CCNH: variants seen among roughly 807,000 people sequenced by gnomAD.
CCNH encodes cyclin H.
Under a neutral mutation model 41.9 loss-of-function variants are expected in CCNH, and 31 were observed. That is an observed-to-expected ratio of 0.74 (90% CI 0.56 to 1.00). The LOEUF (loss-of-function observed/expected upper bound fraction) is 1.00. Among genes scored for constraint, CCNH ranks in the 50% least tolerant of loss-of-function variants. The pLI, the probability that CCNH is intolerant of heterozygous loss-of-function variation, is 0.00. For missense variants in CCNH, 362 were observed against 388.4 expected (o/e 0.93, Z 0.57); for synonymous variants, 138 against 136.1 (o/e 1.01, Z -0.10).
intron 2 of CCNH, among the ~76,000 whole-genome samples, chr5:87,409,629 C>CGTGT (rs71610500): frequency 0.15 from 22,377 of 145,924 alleles, 1,877 homozygotes; most frequent in Middle Eastern, 0.25. Context: ...TTTAAAAATA[C>CGTGT]GTGTGTGTGT....
At chr5:87,370,899 G>A (rs528900703) in intron 9 of CCNH, among the ~76,000 whole-genome samples, 4 of 152,000 alleles carry the variant, frequency 2.6e-5, no homozygotes, top group Non-Finnish European at 4.4e-5. Flanking sequence ...ACAACTGAAC[G>A]TCATATTTCA....
chr5:87,317,018 GATTACAGGCGTGTGCCACT>G (rs1196950525), downstream of CCNH, among the ~76,000 whole-genome samples: 1 of 152,092 alleles, frequency 6.6e-6, no homozygotes, highest in Non-Finnish European at 1.5e-5. Context: ...GAGTAGCTGG[GATTACAGGCGTGTGCCACT>G]ACACCCAGCT....
At chr5:87,329,285 A>G (rs1472851521) in intron 9 of CCNH, among the ~76,000 whole-genome samples, 1 of 151,586 alleles carries the variant, frequency 6.6e-6, no homozygotes. Flanking sequence ...TCTCTCCAAA[A>G]AAAAAAAAAA....
intron 7 of CCNH, among the ~76,000 whole-genome samples, chr5:87,397,933 T>C (rs1000615773): frequency 5.3e-5 from 8 of 152,100 alleles, no homozygotes; most frequent in African/African-American, 1.9e-4. Flanking sequence ...ATAGGTGTGC[T>C]ACATTCCAAG....
chr5:87,380,517 G>T, upstream of CCNH: 1 of 1,612,340 alleles, frequency 6.2e-7, no homozygotes, highest in Non-Finnish European at 8.5e-7. Context: ...AGGACATTGA[G>T]ATATATTTAT....
chr5:87,409,402 CAAATGTT>C (rs755005185), intron 2 of CCNH, 39 bp from the exon 3 acceptor site: 22 of 1,164,616 alleles, frequency 1.9e-5, no homozygotes, highest in Non-Finnish European at 2.7e-5. Flanking sequence ...GATCTAGTCA[CAAATGTT>C]AAATGTTAAA....
intron 1 of CCNH, among the ~76,000 whole-genome samples, chr5:87,412,148 C>T (rs1044169709): frequency 1.3e-5 from 2 of 152,162 alleles, no homozygotes; most frequent in Non-Finnish European, 2.9e-5. Flanking sequence ...GGTTCCTCAT[C>T]CTTTCAGTGG....
At chr5:87,348,103 T>G (rs1487586031) in intron 9 of CCNH, among the ~76,000 whole-genome samples, 4 of 152,064 alleles carry the variant, frequency 2.6e-5, no homozygotes, top group Admixed American at 2.6e-4. Context: ...TTCTTGTCAG[T>G]AAGATTTGTT....
Position 87,385,466 on chromosome 5 carries a change from A to G in CCNH, c.*90+7304T>C, listed in dbSNP as rs1244036829. The G allele has an allele frequency of 3.4e-6, 4 of 1,162,092 alleles. No individual in the cohort carries two copies. The African/African-American group carries it at 6.1e-5, about 18-fold the overall frequency. 72.0% of individuals were successfully genotyped at this position (1,162,092 alleles called of 1,614,324 possible). On this transcript the variant is annotated intron_variant and NMD_transcript_variant, in intron 9 of 9. Transcript: ENST00000645953. ...TGATAAAACCATAAATTGTGGCTTA[A>G]GTAAATTTTTAGCAGTGAAATTTTT... is the stretch of plus-strand genomic sequence containing the variant.
chr5:87,380,474 C>T (rs368847240), upstream of CCNH: 3 of 1,547,600 alleles, frequency 1.9e-6, no homozygotes, highest in Non-Finnish European at 2.7e-6. Flanking sequence ...TTTTCACTTG[C>T]TTTCTGTGTT....
chr5:87,316,950 T>C (rs1756386852), downstream of CCNH, among the ~76,000 whole-genome samples: 1 of 151,866 alleles, frequency 6.6e-6, no homozygotes, highest in Admixed American at 6.6e-5. Flanking sequence ...TGGCGAAATC[T>C]CGGCTTACTG....
intron 9 of CCNH, among the ~76,000 whole-genome samples, chr5:87,320,306 T>C (rs7731713): frequency 0.034 from 5,176 of 152,322 alleles, 261 homozygotes; most frequent in African/African-American, 0.11. Context: ...AAGTTGCTTC[T>C]GCATTTTGAG....
At chr5:87,324,101 C>T (rs373397154) in intron 9 of CCNH, among the ~76,000 whole-genome samples, 34 of 152,240 alleles carry the variant, frequency 2.2e-4, no homozygotes, top group East Asian at 1.9e-3. Flanking sequence ...AACCTTCAGA[C>T]GTAGTGATTT....
intron 9 of CCNH, among the ~76,000 whole-genome samples, chr5:87,336,206 T>C (rs1042252671): frequency 1.6e-4 from 24 of 152,310 alleles, no homozygotes; most frequent in Non-Finnish European, 3.2e-4. Context: ...TTTGTAAAAG[T>C]ATCTTTTTCA....
chr5:87,312,262 T>C, the CCNH span, among the ~76,000 whole-genome samples: 2 of 152,196 alleles, frequency 1.3e-5, no homozygotes, highest in Non-Finnish European at 2.9e-5. Context: ...CAAAGCAATA[T>C]AGAGCAACAT....
chr5:87,391,091 T>C (rs1325076346), downstream of CCNH: 8 of 635,440 alleles, frequency 1.3e-5, no homozygotes, highest in East Asian at 2.2e-4. Context: ...ATTTGCACTA[T>C]TTCCACATGG....
At chr5:87,346,587 C>T in intron 9 of CCNH, 1 of 776,568 alleles carries the variant, frequency 1.3e-6, no homozygotes, top group Non-Finnish European at 2.1e-6. Flanking sequence ...TTGAATTAAA[C>T]TTACTATATT....
rs555929379 is a variant in CCNH, at chr5:87,342,223, G to A, written c.*91-23326C>T. ...TGCCCAGGCTGGAGTGCAATGGCACGATCTCTGCTCACTGCAACCCCTGCC... is the reference window on the plus strand; with the variant it reads ...TGCCCAGGCTGGAGTGCAATGGCACAATCTCTGCTCACTGCAACCCCTGCC... On this transcript the variant is annotated intron_variant and NMD_transcript_variant, in intron 9 of 9. Coordinates refer to the CCNH transcript ENST00000645953. 7.3e-5 allele frequency among the ~76,000 whole-genome samples: 11 copies of A among 149,868 alleles called. No homozygotes were observed. The South Asian group carries it at 1.3e-3, about 17-fold the overall frequency.
At chr5:87,396,956 G>A (rs1763015362) in intron 7 of CCNH, among the ~76,000 whole-genome samples, 1 of 152,168 alleles carries the variant, frequency 6.6e-6, no homozygotes, top group Non-Finnish European at 1.5e-5. Flanking sequence ...TTTGATCAAA[G>A]GGAACTTTGG....
Sources: gnomAD v4.1 joint callset for allele counts (sites outside exome capture counted in the v4.1 genomes callset) on GRCh38, gnomAD v4.1.1 for gene constraint, MANE v1.5 for transcripts, NCBI Gene and HGNC (gene_info 2026-07-23, HGNC 2026-07-21) for gene names.